Variants in LRMDA observed in about 807,000 individuals in gnomAD.
LRMDA encodes the protein leucine rich melanocyte differentiation associated.
In LRMDA, 18 loss-of-function variants were observed where a neutral mutation model predicts 29.8. The observed-to-expected ratio is 0.60, with a 90% CI of 0.42 to 0.90. The LOEUF is 0.90. Ranked by LOEUF, LRMDA falls within the 40% of genes least tolerant of loss-of-function variation. LRMDA has a pLI of 0.00. For missense variants in LRMDA, 273 were observed against 273.9 expected, an observed-to-expected ratio of 1.00 and a Z score of 0.02; for synonymous variants, 125 against 109.4, an observed-to-expected ratio of 1.14 and a Z score of -0.89.
chr10:75,827,962 C>T (rs1324465480), intron 2 of LRMDA, among the ~76,000 whole-genome samples: 2 of 152,068 alleles, frequency 1.3e-5, no homozygotes, highest in African/African-American at 4.8e-5. Flanking sequence ...GCATAAGAGC[C>T]GGCATTGCTG....
intron 2 of LRMDA, among the ~76,000 whole-genome samples, chr10:75,936,573 AT>A (rs1280030789): frequency 6.6e-6 from 1 of 152,080 alleles, no homozygotes; most frequent in Admixed American, 6.5e-5. Context: ...ATTACCACAG[AT>A]TGGGTTGGTT....
intron 2 of LRMDA, among the ~76,000 whole-genome samples, chr10:75,951,934 C>T (rs1241480481): frequency 6.6e-6 from 1 of 152,134 alleles, no homozygotes; most frequent in Non-Finnish European, 1.5e-5. Flanking sequence ...ACGGAGGCCA[C>T]GGTGGTGGCG....
intron 2 of LRMDA, among the ~76,000 whole-genome samples, chr10:75,892,424 C>T (rs1296206651): frequency 6.6e-6 from 1 of 152,110 alleles, no homozygotes; most frequent in African/African-American, 2.4e-5. Flanking sequence ...TGAGATATTC[C>T]AACTCACTAC....
chr10:75,685,599 G>T (rs532969033), intron 2 of LRMDA, among the ~76,000 whole-genome samples: 1 of 152,202 alleles, frequency 6.6e-6, no homozygotes, highest in East Asian at 1.9e-4. Context: ...CACTGAGGAA[G>T]CAAGATAAAG....
chr10:76,042,774 T>C (rs566068122), intron 3 of LRMDA, among the ~76,000 whole-genome samples: 178 of 152,324 alleles, frequency 1.2e-3, no homozygotes, highest in Non-Finnish European at 2.0e-3. Flanking sequence ...TCTTTTAGCA[T>C]GGTTGATCGA....
At chr10:75,966,226 G>A (rs1564618507) in intron 2 of LRMDA, among the ~76,000 whole-genome samples, 1 of 152,172 alleles carries the variant, frequency 6.6e-6, no homozygotes, top group South Asian at 2.1e-4. Flanking sequence ...TGGGAGATGT[G>A]GGTGGACGAG....
At chr10:75,690,803 A>C (rs1050812516) in intron 2 of LRMDA, among the ~76,000 whole-genome samples, 16 of 149,318 alleles carry the variant, frequency 1.1e-4, no homozygotes, top group Non-Finnish European at 2.2e-4. Context: ...CTCTCTCTCT[A>C]AAAAATAAAA....
intron 5 of LRMDA, among the ~76,000 whole-genome samples, chr10:76,191,438 A>C (rs140394201): frequency 6.6e-6 from 1 of 152,256 alleles, no homozygotes; most frequent in South Asian, 2.1e-4. Context: ...TTGTCACTTC[A>C]TTCCTTCTAA....
intron 6 of LRMDA, among the ~76,000 whole-genome samples, chr10:76,413,218 C>A (rs1156576597): frequency 2.0e-5 from 3 of 152,188 alleles, no homozygotes; most frequent in Non-Finnish European, 4.4e-5. Context: ...TTTAGCATCT[C>A]TCCTACATAG....
At chr10:75,987,366 C>T (rs1311031217) in intron 2 of LRMDA, among the ~76,000 whole-genome samples, 1 of 152,164 alleles carries the variant, frequency 6.6e-6, no homozygotes, top group Non-Finnish European at 1.5e-5. Context: ...TTATCCTGAG[C>T]ACTGCAGGTT....
intron 5 of LRMDA, among the ~76,000 whole-genome samples, chr10:76,110,449 T>G (rs1478164961): frequency 1.3e-5 from 2 of 152,192 alleles, no homozygotes; most frequent in African/African-American, 4.8e-5. Context: ...TACAGACAAA[T>G]CAGGTCATCC....
At chr10:75,983,357 C>T (rs896301543) in intron 2 of LRMDA, among the ~76,000 whole-genome samples, 35 of 152,150 alleles carry the variant, frequency 2.3e-4, no homozygotes, top group Non-Finnish European at 4.7e-4. Flanking sequence ...TATATCTTTC[C>T]ATCTCTTCTC....
intron 2 of LRMDA, among the ~76,000 whole-genome samples, chr10:75,813,716 A>G (rs966581468): frequency 7.2e-5 from 11 of 152,226 alleles, no homozygotes; most frequent in Non-Finnish European, 1.2e-4. Context: ...CTTTACATGC[A>G]GTTTCAGATA....
chr10:76,363,167 A>AGGGAGGG (rs1564520614), intron 6 of LRMDA, among the ~76,000 whole-genome samples: 4 of 36,072 alleles, frequency 1.1e-4, no homozygotes, highest in Admixed American at 2.5e-4. Context: ...GAAAGAAAGA[A>AGGGAGGG]AGAAAGAAAG....
chr10:76,046,226 T>C (rs1848436438), intron 3 of LRMDA, among the ~76,000 whole-genome samples: 1 of 152,212 alleles, frequency 6.6e-6, no homozygotes, highest in Non-Finnish European at 1.5e-5. Context: ...TGTCTGTATG[T>C]GGCTTAAGCC....
intron 2 of LRMDA, among the ~76,000 whole-genome samples, chr10:75,791,142 A>G (rs1424745131): frequency 6.6e-6 from 1 of 152,198 alleles, no homozygotes; most frequent in Non-Finnish European, 1.5e-5. Flanking sequence ...TTGGGTATAC[A>G]GCTAATTGTT....
chr10:75,503,820 C>T (rs1845142136), intron 2 of LRMDA, among the ~76,000 whole-genome samples: 1 of 151,892 alleles, frequency 6.6e-6, no homozygotes, highest in Non-Finnish European at 1.5e-5. Flanking sequence ...AGAGGGAGAA[C>T]AGATGGGATA....
At chr10:76,340,944 C>T (rs1841034547) in intron 6 of LRMDA, among the ~76,000 whole-genome samples, 1 of 152,118 alleles carries the variant, frequency 6.6e-6, no homozygotes, top group African/African-American at 2.4e-5. Flanking sequence ...GCCCTAATAA[C>T]ATAACAGAAC....
At position 75,474,433 on chromosome 10, in the gene LRMDA, A is replaced by T. The variant is rs576294299; in HGVS notation, c.131+35939A>T. Among the ~76,000 whole-genome samples the T allele has an allele frequency of 1.6e-3, 243 of 152,338 alleles. 4 individuals are homozygous for T. The highest frequency in any genetic ancestry group is 2.8e-4 in the Non-Finnish European group (19 of 68,028). ...TAGATGGCTGTCTTCTCACTTTAGC[A>T]TGGCAGAAGGGGCAAGGGGTCTGTT... On this transcript the variant is annotated intron_variant, in intron 2 of 6. Transcript: ENST00000611255.
Sources: allele counts gnomAD v4.1 joint callset (sites outside exome capture counted in the v4.1 genomes callset), GRCh38; gene constraint gnomAD v4.1.1; transcripts MANE v1.5; gene names NCBI Gene and HGNC (gene_info 2026-07-23, HGNC 2026-07-21).